The following LRRN3 variants were observed in gnomAD, a reference collection of about 807,000 sequenced individuals.
LRRN3 encodes leucine-rich repeat neuronal protein 3.
LRRN3 carries 15 observed loss-of-function variants against 40.1 expected under a neutral mutation model. That is an observed-to-expected ratio of 0.37 (90% CI 0.25 to 0.58). LRRN3 has a LOEUF of 0.58. Among genes scored for constraint, LRRN3 ranks in the 20% least tolerant of loss-of-function variants. The pLI, the probability that LRRN3 is intolerant of heterozygous loss-of-function variation, is 0.72. For synonymous variants in LRRN3, 308 were observed against 297.2 expected (o/e 1.04, Z -0.37); for missense variants, 746 against 837.7 (o/e 0.89, Z 1.35).
intron 2 of LRRN3, among the ~76,000 whole-genome samples, chr7:111,113,394 T>G (rs1799472252): frequency 6.6e-6 from 1 of 152,160 alleles, no homozygotes; most frequent in Non-Finnish European, 1.5e-5. Flanking sequence ...GTCTTTTTTT[T>G]TTGTATACAT....
intron 2 of LRRN3, among the ~76,000 whole-genome samples, chr7:111,120,428 C>A (rs1037169211): frequency 1.3e-5 from 2 of 152,116 alleles, no homozygotes; most frequent in African/African-American, 4.8e-5. Flanking sequence ...ACTTATTTCA[C>A]TACCATGAGC....
intron 2 of LRRN3, among the ~76,000 whole-genome samples, chr7:111,113,708 C>T (rs555545585): frequency 3.9e-5 from 6 of 152,144 alleles, no homozygotes; most frequent in South Asian, 2.1e-4. Context: ...AGAGGGTCTA[C>T]ATGAGACACA....
intron 1 of LRRN3, among the ~76,000 whole-genome samples, chr7:111,093,885 C>T (rs911520686): frequency 6.6e-6 from 1 of 151,970 alleles, no homozygotes; most frequent in African/African-American, 2.4e-5. Flanking sequence ...TTCAGGGTGT[C>T]GCTTGTCACA....
intron 1 of LRRN3, among the ~76,000 whole-genome samples, chr7:111,097,726 C>T (rs1219050434): frequency 1.3e-5 from 2 of 151,736 alleles, no homozygotes; most frequent in African/African-American, 2.4e-5. Flanking sequence ...AAATTTAATT[C>T]TATTTTTATC....
rs554274704 is a variant in LRRN3, at chr7:111,116,088, A to G, written c.-358-6327A>G. 5.3e-5 allele frequency among the ~76,000 whole-genome samples: 8 copies of G among 152,328 alleles called. No individual in the cohort carries two copies. The South Asian group carries it at 1.7e-3, about 32-fold the overall frequency. ...ATTCTCTCAAATCTGCCCAAAGCAT[A>G]TCTTGAGACTCAGGAGAGAGAATTG... On this transcript the variant is annotated intron_variant, in intron 2 of 2. Transcript: ENST00000308478.
intron 2 of LRRN3, among the ~76,000 whole-genome samples, chr7:111,119,587 T>A (rs1800335199): frequency 6.6e-6 from 1 of 152,236 alleles, no homozygotes; most frequent in Non-Finnish European, 1.5e-5. Context: ...ACAAATTTGA[T>A]GTTAGTAAAT....
At chr7:111,109,386 T>C (rs1169688935) in intron 2 of LRRN3, among the ~76,000 whole-genome samples, 1 of 152,176 alleles carries the variant, frequency 6.6e-6, no homozygotes, top group Admixed American at 6.6e-5. Flanking sequence ...GAAAGTATCA[T>C]TTAATTTCAC....
intron 1 of LRRN3, among the ~76,000 whole-genome samples, chr7:111,096,826 G>A (rs1199268345): frequency 6.6e-6 from 1 of 151,804 alleles, no homozygotes; most frequent in Non-Finnish European, 1.5e-5. Context: ...CACTAAATAA[G>A]ATAAAAATAC....
intron 2 of LRRN3, among the ~76,000 whole-genome samples, chr7:111,102,994 T>C (rs1251803497): frequency 6.6e-6 from 1 of 151,484 alleles, no homozygotes; most frequent in Admixed American, 6.6e-5. Flanking sequence ...AATTTAAAAA[T>C]TGCTGACAAT....
chr7:111,097,121 G>C (rs1202814835), intron 1 of LRRN3: 2 of 151,824 alleles, frequency 1.3e-5, no homozygotes, highest in Non-Finnish European at 2.9e-5. Context: ...AAGGCCCACT[G>C]AATCAGTTAA....
intron 2 of LRRN3, among the ~76,000 whole-genome samples, chr7:111,103,915 A>C (rs1426195491): frequency 6.6e-6 from 1 of 151,628 alleles, no homozygotes; most frequent in Non-Finnish European, 1.5e-5. Context: ...CTTCTATTGA[A>C]CACCATTTTG....
chr7:111,102,097 G>A (rs1798041004), intron 2 of LRRN3, among the ~76,000 whole-genome samples: 1 of 150,706 alleles, frequency 6.6e-6, no homozygotes, highest in South Asian at 2.1e-4. Flanking sequence ...AAAAAAAAAT[G>A]AGTCAGAATA....
intron 2 of LRRN3, among the ~76,000 whole-genome samples, chr7:111,105,499 A>T (rs1798443336): frequency 6.6e-6 from 1 of 151,922 alleles, no homozygotes; most frequent in Non-Finnish European, 1.5e-5. Flanking sequence ...GACAATTTAC[A>T]TCTGGTTTGC....
At chr7:111,098,301 T>C (rs1462162282) in intron 1 of LRRN3, among the ~76,000 whole-genome samples, 1 of 151,834 alleles carries the variant, frequency 6.6e-6, no homozygotes, top group African/African-American at 2.4e-5. Context: ...AAGAGTTTCA[T>C]AAGGTGATGT....
At chr7:111,117,871 C>T (rs1015140300) in intron 2 of LRRN3, among the ~76,000 whole-genome samples, 16 of 152,100 alleles carry the variant, frequency 1.1e-4, no homozygotes, top group Non-Finnish European at 2.1e-4. Context: ...CTTTTCCTCA[C>T]ACTCTGTAGT....
At chr7:111,102,723 G>A (rs756757303) in intron 2 of LRRN3, among the ~76,000 whole-genome samples, 54 of 151,516 alleles carry the variant, frequency 3.6e-4, no homozygotes, top group Admixed American at 9.2e-4. Flanking sequence ...CAGCTTCTTC[G>A]TGCTATTCTA....
In LRRN3 at chr7:111,123,976, T is replaced by C. The variant is rs1270143879; in HGVS notation, c.1204T>C (p.Phe402Leu). ...DSLFCVDPPE[F>L]QGQNVRQVHF... ...ACTGTTTTGCGTGGACCCACCTGAA[T>C]TCCAAGGTCAGAATGTTCGGCAAGT... Residue 402 changes from phenylalanine to leucine, a missense_variant, in exon 3 of 3, where the codon TTC becomes CTC. By Grantham distance (22) the Phe-to-Leu change is conservative. Coordinates refer to ENST00000308478, the MANE Select transcript of LRRN3 (RefSeq NM_001099658.2). This position sits in a 1 kb window ranked among gnomAD's most constrained non-coding sequence, Gnocchi z 6.4. 2 of 1,614,016 alleles carry C rather than the reference T, an allele frequency of 1.2e-6. No individual in the cohort carries two copies. The highest frequency in any genetic ancestry group is 1.7e-6 in the Non-Finnish European group (2 of 1,179,972).
intron 2 of LRRN3, among the ~76,000 whole-genome samples, chr7:111,112,805 G>C (rs1799396981): frequency 6.6e-6 from 1 of 152,082 alleles, no homozygotes; most frequent in African/African-American, 2.4e-5. Flanking sequence ...TATAGTAACA[G>C]AAAAGCACCA....
chr7:111,114,951 C>T (rs894950704), intron 2 of LRRN3, among the ~76,000 whole-genome samples: 6 of 152,056 alleles, frequency 3.9e-5, no homozygotes, highest in African/African-American at 1.2e-4. Context: ...GGTAATTTTA[C>T]AGACAGGCAT....
Sources: gnomAD v4.1 joint callset for allele counts (sites outside exome capture counted in the v4.1 genomes callset) on GRCh38, gnomAD v4.1.1 for gene constraint, Gnocchi (gnomAD v3.1) non-coding constraint, MANE v1.5 for transcripts, NCBI Gene and HGNC (gene_info 2026-07-23, HGNC 2026-07-21) for gene names.